The following TMEM178B variants were observed in gnomAD, a reference collection of about 807,000 sequenced individuals.
TMEM178B encodes transmembrane protein 178B.
A neutral mutation model predicts 31.0 loss-of-function variants in TMEM178B; 5 were observed. The observed-to-expected ratio is 0.16, with a 90% CI of 0.08 to 0.34. The LOEUF (loss-of-function observed/expected upper bound fraction) is 0.34. Ranked by LOEUF, TMEM178B falls within the 10% of genes least tolerant of loss-of-function variation. TMEM178B has a pLI of 1.00. For missense variants in TMEM178B, 275 were observed against 400.3 expected, an observed-to-expected ratio of 0.69 and a Z score of 2.67; for synonymous variants, 164 against 164.0, an observed-to-expected ratio of 1.00 and a Z score of 0.00.
intron 1 of TMEM178B, among the ~76,000 whole-genome samples, chr7:141,195,132 C>T (rs774271924): frequency 1.3e-5 from 2 of 152,174 alleles, no homozygotes; most frequent in Non-Finnish European, 2.9e-5. Flanking sequence ...AGACATTTTC[C>T]CCATGGTCTT....
At chr7:141,495,527 G>A in the TMEM178B span, among the ~76,000 whole-genome samples, 1 of 152,138 alleles carries the variant, frequency 6.6e-6, no homozygotes, top group East Asian at 1.9e-4. Flanking sequence ...TGCTTTAGAG[G>A]ACAACTTGAC....
chr7:141,207,340 G>T (rs562083010), intron 1 of TMEM178B, among the ~76,000 whole-genome samples: 1 of 152,174 alleles, frequency 6.6e-6, no homozygotes, highest in Non-Finnish European at 1.5e-5. Context: ...TGGATCATTC[G>T]TAATTTTTTG....
In TMEM178B at chr7:141,334,951, G is replaced by A. The variant is rs182513039; in HGVS notation, c.497-102657G>A. ...TCTCAATCCAGGGCAGGTCCTAGGA[G>A]AAGTGGGGAGAAAAACCAGTCTGGA... On this transcript the variant is annotated intron_variant, in intron 2 of 3. Coordinates refer to ENST00000565468, the MANE Select transcript of TMEM178B (RefSeq NM_001195278.2). Among the ~76,000 whole-genome samples, 36 of 152,344 alleles carry A rather than the reference G, an allele frequency of 2.4e-4. No homozygotes were observed. The East Asian group carries it at 5.8e-3, about 24-fold the overall frequency.
intron 3 of TMEM178B, among the ~76,000 whole-genome samples, chr7:141,460,615 G>A (rs1802043971): frequency 6.6e-6 from 1 of 152,228 alleles, no homozygotes; most frequent in Non-Finnish European, 1.5e-5. Context: ...CAGCCTCTAT[G>A]GATGGACCAG....
intron 2 of TMEM178B, among the ~76,000 whole-genome samples, chr7:141,374,770 A>G (rs570961842): frequency 6.6e-6 from 1 of 152,332 alleles, no homozygotes; most frequent in African/African-American, 2.4e-5. Flanking sequence ...GCGACTATAG[A>G]TTCATCTTTG....
At chr7:141,451,984 C>G (rs116790771) in intron 3 of TMEM178B, among the ~76,000 whole-genome samples, 1 of 152,192 alleles carries the variant, frequency 6.6e-6, no homozygotes, top group Admixed American at 6.5e-5. Flanking sequence ...CTCCATCTTT[C>G]GTGAAACTCT....
intron 3 of TMEM178B, among the ~76,000 whole-genome samples, chr7:141,443,765 G>A (rs1801704222): frequency 6.6e-6 from 1 of 152,206 alleles, no homozygotes; most frequent in South Asian, 2.1e-4. Context: ...GCTCCTGTAG[G>A]ATGGAGTAGC....
intron 2 of TMEM178B, among the ~76,000 whole-genome samples, chr7:141,359,671 G>A (rs919357314): frequency 7.2e-5 from 11 of 152,082 alleles, no homozygotes; most frequent in East Asian, 3.9e-4. Context: ...CCAGAATTGG[G>A]GGCTGTTTTT....
chr7:141,460,567 G>C (rs889253406), intron 3 of TMEM178B, among the ~76,000 whole-genome samples: 4 of 152,216 alleles, frequency 2.6e-5, no homozygotes, highest in African/African-American at 9.6e-5. Context: ...CCAGGTTCTA[G>C]GATAGGAATC....
At chr7:141,240,813 A>G (rs1451571885) in intron 2 of TMEM178B, among the ~76,000 whole-genome samples, 1 of 151,816 alleles carries the variant, frequency 6.6e-6, no homozygotes, top group Non-Finnish European at 1.5e-5. Flanking sequence ...TTGCTTTTCC[A>G]TGTCTCTGTT....
intron 1 of TMEM178B, among the ~76,000 whole-genome samples, chr7:141,138,971 G>C (rs1586790777): frequency 6.6e-6 from 1 of 151,084 alleles, no homozygotes; most frequent in African/African-American, 2.4e-5. Context: ...GCAACACAGT[G>C]AGACTCCATG....
intron 1 of TMEM178B, among the ~76,000 whole-genome samples, chr7:141,135,658 G>A (rs1035358515): frequency 3.3e-5 from 5 of 152,084 alleles, no homozygotes; most frequent in African/African-American, 1.2e-4. Context: ...TCTTAAGAAG[G>A]AAGTTAAGAA....
intron 1 of TMEM178B, among the ~76,000 whole-genome samples, chr7:141,111,085 G>A (rs1022990783): frequency 2.6e-5 from 4 of 152,172 alleles, no homozygotes; most frequent in Admixed American, 6.5e-5. Context: ...TCATGCTGCT[G>A]TAAGGACATA....
rs116497684 is a variant in TMEM178B, at chr7:141,145,356, G to C, written c.383-67235G>C. The stretch of plus-strand genomic sequence containing the variant: ...CCACCTCTTCCCTCAAGGCCCAGGC[G>C]TGGTAGAGCTAACCCTGTTGTGCCT... On this transcript the variant is annotated intron_variant, in intron 1 of 3. Coordinates refer to ENST00000565468, the MANE Select transcript of TMEM178B (RefSeq NM_001195278.2). 8.9e-3 allele frequency among the ~76,000 whole-genome samples: 1,353 copies of C among 152,306 alleles called. 24 individuals carry two copies. The highest frequency in any genetic ancestry group is 0.029 in the African/African-American group (1,197 of 41,556).
intron 2 of TMEM178B, among the ~76,000 whole-genome samples, chr7:141,345,633 G>C (rs1216793915): frequency 6.6e-6 from 1 of 152,084 alleles, no homozygotes. Context: ...TGGTACAGAT[G>C]GTTCGTGTTT....
intron 1 of TMEM178B, among the ~76,000 whole-genome samples, chr7:141,195,736 G>T (rs1353809396): frequency 2.6e-5 from 4 of 152,132 alleles, no homozygotes; most frequent in African/African-American, 9.7e-5. Flanking sequence ...TCACACTGCT[G>T]ATAAAGACAT....
intron 2 of TMEM178B, among the ~76,000 whole-genome samples, chr7:141,399,214 T>G (rs529372594): frequency 2.0e-4 from 30 of 152,340 alleles, no homozygotes; most frequent in African/African-American, 7.2e-4. Flanking sequence ...TGCCTTTATC[T>G]CAAAGCACGG....
At chr7:141,172,375 T>C (rs529354525) in intron 1 of TMEM178B, among the ~76,000 whole-genome samples, 2 of 152,240 alleles carry the variant, frequency 1.3e-5, no homozygotes, top group South Asian at 2.1e-4. Context: ...ATGGGGAGTG[T>C]TGGGAGTATT....
intron 1 of TMEM178B, among the ~76,000 whole-genome samples, chr7:141,187,521 A>T (rs1258651140): frequency 2.0e-5 from 3 of 152,098 alleles, no homozygotes; most frequent in Non-Finnish European, 4.4e-5. Context: ...CGCCACACTG[A>T]CTTCCACAAT....
Sources: gnomAD v4.1 joint callset for allele counts (sites outside exome capture counted in the v4.1 genomes callset) on GRCh38, gnomAD v4.1.1 for gene constraint, MANE v1.5 for transcripts, NCBI Gene and HGNC (gene_info 2026-07-23, HGNC 2026-07-21) for gene names.